Variants in DPP4 observed in about 807,000 individuals in gnomAD.
DPP4 encodes dipeptidyl peptidase 4.
Under a neutral mutation model 122.4 loss-of-function variants are expected in DPP4, and 93 were observed. The observed-to-expected ratio is 0.76, with a 90% confidence interval of 0.64 to 0.90. DPP4 has a LOEUF of 0.90. DPP4 is among the 40% of genes least tolerant of loss of function. The probability of loss-of-function intolerance (pLI) is 0.00; values close to 1 mark genes in which losing one functional copy is unlikely to be tolerated. For synonymous variants in DPP4, 321 were observed against 302.9 expected, an observed-to-expected ratio of 1.06 and a Z score of -0.62; for missense variants, 914 against 907.3, an observed-to-expected ratio of 1.01 and a Z score of -0.09.
intron 5 of DPP4, 66 bp downstream of exon 5, chr2:162,045,466 A>C: frequency 8.3e-7 from 1 of 1,200,574 alleles, no homozygotes; most frequent in South Asian, 1.2e-5. Context: ...ATACACTTGA[A>C]ATCGGTTATA....
chr2:162,024,938 C>T lies in DPP4; in HGVS notation c.889G>A (p.Asp297Asn), dbSNP rs756635586. The T allele has an allele frequency of 6.2e-7, 1 of 1,612,430 alleles. No individual in the cohort carries two copies. Among genetic ancestry groups the T allele is most frequent in the African/African-American group, 1.3e-5 (1 of 74,804 alleles). ...ITAPASMLIGDHYLCDVTWAT... is the reference protein window; with the variant it reads ...ITAPASMLIGNHYLCDVTWAT... ...CATGTCACATCACACAAGTAGTGAT[C>T]CCTGGAAGGAAGAAAGAAAGGAAGG... Residue 297 changes from aspartate (D) to asparagine (N), a missense_variant and splice_region_variant, in exon 11 of 26, where the codon GAT (aspartate) becomes AAT (asparagine). Asp to Asn is a conservative substitution (Grantham distance 23, BLOSUM62 1). Transcript: ENST00000360534.
intron 5 of DPP4, among the ~76,000 whole-genome samples, chr2:162,045,248 T>C (rs1051271355): frequency 6.6e-6 from 1 of 152,166 alleles, no homozygotes; most frequent in Non-Finnish European, 1.5e-5. Context: ...CTTTTAAATA[T>C]GTGTGTAAGT....
chr2:162,008,123 AAAC>A (rs1701330374), intron 22 of DPP4, among the ~76,000 whole-genome samples: 2 of 152,132 alleles, frequency 1.3e-5, no homozygotes, highest in African/African-American at 2.4e-5. Context: ...GAATGAAAAA[AAAC>A]AACAACCCCC....
At chr2:162,038,863 A>G (rs1023217632) in intron 7 of DPP4, 86 bp downstream of exon 7, 2 of 1,170,422 alleles carry the variant, frequency 1.7e-6, no homozygotes, top group African/African-American at 3.0e-5. Context: ...AGTTCCTAAG[A>G]TGTCTGCTTT....
chr2:162,070,640 A>G lies in DPP4; in HGVS notation c.94+2759T>C, dbSNP rs549114309. 4.7e-5 allele frequency among the ~76,000 whole-genome samples: 7 copies of G among 149,496 alleles called. No homozygotes were observed. The South Asian group carries it at 1.1e-3, about 23-fold the overall frequency. ...CTCTATTTGTTTACTTGAAAGCTTGATTGACAACATGGAGGGCATTTCTTG... is the reference window on the plus strand; with the variant it reads ...CTCTATTTGTTTACTTGAAAGCTTGGTTGACAACATGGAGGGCATTTCTTG... On this transcript the variant is annotated intron_variant, in intron 2 of 25. Coordinates refer to ENST00000360534, the MANE Select transcript of DPP4 (RefSeq NM_001935.4).
chr2:161,996,120 G>A (rs1343072920), intron 23 of DPP4, among the ~76,000 whole-genome samples: 1 of 152,166 alleles, frequency 6.6e-6, no homozygotes, highest in African/African-American at 2.4e-5. Context: ...ACTGCTATGT[G>A]GCCTGAGCCA....
chr2:162,019,171 A>T, intron 15 of DPP4, 52 bp downstream of exon 15: 1 of 1,474,242 alleles, frequency 6.8e-7, no homozygotes, highest in Non-Finnish European at 9.4e-7. Context: ...AGAGTTCAGA[A>T]ATTGTTCGTC....
chr2:162,001,689 C>T lies in DPP4; in HGVS notation c.2052+4056G>A, dbSNP rs138781953. On this transcript the variant is annotated intron_variant, in intron 23 of 25. Coordinates refer to ENST00000360534, the MANE Select transcript of DPP4 (RefSeq NM_001935.4). The stretch of plus-strand genomic sequence containing the variant: ...ATTCCTCACTGTTAGGAGCCCACTC[C>T]ACAAGGTGTGGCTACAGCTGCTGTC... Among the ~76,000 whole-genome samples, 590 of 152,264 alleles carry T rather than the reference C, an allele frequency of 3.9e-3. 4 individuals are homozygous for T. The highest frequency in any genetic ancestry group is 6.8e-3 in the Middle Eastern group (2 of 294).
rs557063649 is a variant in DPP4 at position 162,012,692 on chromosome 2, C to T, written c.1638-705G>A. Among the ~76,000 whole-genome samples the T allele has an allele frequency of 8.0e-4, 121 of 152,080 alleles. 2 individuals are homozygous for T. Among genetic ancestry groups the T allele is most frequent in the African/African-American group, 2.8e-3 (117 of 41,508 alleles). ...ACAATCTCTGTAAAGCTCTGTAAAG[C>T]ACTCTCATTTCTGCTTGTTAATCAA... On this transcript the variant is annotated intron_variant, in intron 19 of 25. Coordinates refer to ENST00000360534, the MANE Select transcript of DPP4 (RefSeq NM_001935.4).
At chr2:162,002,673 A>T (rs934550487) in intron 23 of DPP4, among the ~76,000 whole-genome samples, 2 of 150,404 alleles carry the variant, frequency 1.3e-5, no homozygotes, top group African/African-American at 4.9e-5. Flanking sequence ...GAAAAAGAGG[A>T]AGAGAGAGAG....
At chr2:162,009,513 T>TTGTGCG (rs1701365669) in intron 20 of DPP4, among the ~76,000 whole-genome samples, 1 of 144,274 alleles carries the variant, frequency 6.9e-6, no homozygotes, top group Non-Finnish European at 1.5e-5. Flanking sequence ...TTCATAAAAA[T>TTGTGCG]TGTGTGTGTG....
At chr2:162,073,133 G>T (rs185658664) in intron 2 of DPP4, 132 of 324,800 alleles carry the variant, frequency 4.1e-4, no homozygotes, top group African/African-American at 2.5e-3. Flanking sequence ...TAAAAATCCC[G>T]ACTCTCCCTA....
At chr2:162,062,114 CAA>C (rs1045197117) in intron 2 of DPP4, among the ~76,000 whole-genome samples, 24 of 80,940 alleles carry the variant, frequency 3.0e-4, no homozygotes, top group Non-Finnish European at 3.1e-4. Context: ...ACTAAAAATA[CAA>C]AAAAAAAAAA....
chr2:162,038,166 T>G (rs1177648292), intron 8 of DPP4, 136 bp downstream of exon 8: 15 of 845,626 alleles, frequency 1.8e-5, no homozygotes, highest in Admixed American at 1.0e-4. Flanking sequence ...CTGTGAGTTC[T>G]AAGAGAAATC....
At chr2:162,050,686 A>C (rs1684353422) in intron 2 of DPP4, among the ~76,000 whole-genome samples, 1 of 152,238 alleles carries the variant, frequency 6.6e-6, no homozygotes, top group African/African-American at 2.4e-5. Context: ...CCTTGTTTTT[A>C]GCCTTGCCAT....
Position 161,996,367 on chromosome 2 carries a change from C to T in DPP4, c.2053-995G>A, listed in dbSNP as rs974634208. Among the ~76,000 whole-genome samples the T allele has an allele frequency of 3.3e-5, 5 of 152,154 alleles. No homozygotes were observed. The South Asian group carries it at 1.0e-3, about 32-fold the overall frequency. On this transcript the variant is annotated intron_variant, in intron 23 of 25. Transcript: ENST00000360534. ...TCCATGGGTTTAAAAGCAGCCAGCT[C>T]GTCCTGCAGCATCTTGGTGAATCAA...
intron 24 of DPP4, 130 bp from the exon 25 acceptor site, chr2:161,995,164 G>T: frequency 7.6e-7 from 1 of 1,308,966 alleles, no homozygotes; most frequent in Non-Finnish European, 1.1e-6. Context: ...TTTAGCCCAA[G>T]ACAAGTGACT....
Position 162,038,328 on chromosome 2 carries a change from T to C in DPP4, c.587A>G (p.Asn196Ser). 7 of 1,600,614 alleles carry C rather than the reference T, an allele frequency of 4.4e-6. No individual in the cohort carries two copies. Among genetic ancestry groups the C allele is most frequent in the Non-Finnish European group, 6.0e-6 (7 of 1,174,078 alleles). ...TTCATAAACCCAGTCAGTTATTCCATTATATATTATATCTTCTTTCCCCGT... is the reference window on the plus strand; with the variant it reads ...TTCATAAACCCAGTCAGTTATTCCACTATATATTATATCTTCTTTCCCCGT... Reference protein sequence around the residue: ...TWTGKEDIIYNGITDWVYEEE... With the variant: ...TWTGKEDIIYSGITDWVYEEE... The change falls in exon 8 of 26, where the codon AAT (asparagine) becomes AGT (serine). Residue 196 changes from asparagine to serine, a missense_variant. Physicochemically the swap from Asn to Ser is conservative, Grantham distance 46. Transcript: ENST00000360534.
intron 2 of DPP4, among the ~76,000 whole-genome samples, chr2:162,063,979 C>T (rs1303810613): frequency 6.6e-6 from 1 of 152,120 alleles, no homozygotes; most frequent in Non-Finnish European, 1.5e-5. Context: ...ACCCAGGGCA[C>T]AAACAAAGGG....
Sources: allele counts gnomAD v4.1 joint callset (sites outside exome capture counted in the v4.1 genomes callset), GRCh38; gene constraint gnomAD v4.1.1; transcripts MANE v1.5; gene names NCBI Gene and HGNC (gene_info 2026-07-23, HGNC 2026-07-21).